The following ACSM2B variants were observed in gnomAD, a reference collection of about 807,000 sequenced individuals.
The protein encoded by ACSM2B is acyl-CoA synthetase medium chain family member 2B, also known as acyl-coenzyme A synthetase ACSM2B, mitochondrial.
ACSM2B carries 58 observed loss-of-function variants against 78.6 expected under a neutral mutation model. That is an observed-to-expected ratio of 0.74 (90% CI 0.60 to 0.92). The LOEUF (loss-of-function observed/expected upper bound fraction) is 0.92. Among genes scored for constraint, ACSM2B ranks in the 40% least tolerant of loss-of-function variants. ACSM2B has a pLI of 0.00. For missense variants in ACSM2B, 688 were observed against 711.2 expected (o/e 0.97, Z 0.37); for synonymous variants, 257 against 256.8 (o/e 1.00, Z -0.01).
In ACSM2B at chr16:20,547,445, T is replaced by G. The variant is rs139507955; in HGVS notation, c.1098+617A>C. On this transcript the variant is annotated intron_variant, in intron 8 of 13. Transcript: ENST00000329697. ...AGAGTGGAGAGGAAGAGGCAAGAAG[T>G]GCTGAGAGTCACAAGTAAGAGGCAC... 5.1e-4 allele frequency: 506 copies of G among 984,036 alleles called. 2 individuals are homozygous for G. In the African/African-American group the frequency reaches 8.3e-3, roughly 16 times the overall value. The allele number at this position is 984,036 out of a possible 1,614,324, so 61.0% of individuals were successfully genotyped here.
At chr16:20,543,987 A>T (rs1214432892) in intron 10 of ACSM2B, among the ~76,000 whole-genome samples, 1 of 152,184 alleles carries the variant, frequency 6.6e-6, no homozygotes. Flanking sequence ...TAGAACTGAG[A>T]CCAGAAGCCA....
intron 6 of ACSM2B, among the ~76,000 whole-genome samples, 166 bp from the exon 7 acceptor site, chr16:20,548,639 G>A (rs2015215412): frequency 6.6e-6 from 1 of 152,188 alleles, no homozygotes; most frequent in South Asian, 2.1e-4. Flanking sequence ...CAACTCTCAT[G>A]CACCCTGAAG....
intron 6 of ACSM2B, among the ~76,000 whole-genome samples, 176 bp from the exon 7 acceptor site, chr16:20,548,649 G>A (rs1024158614): frequency 1.3e-5 from 2 of 152,190 alleles, no homozygotes; most frequent in Non-Finnish European, 2.9e-5. Flanking sequence ...GCACCCTGAA[G>A]GCACAAATAA....
intron 4 of ACSM2B, among the ~76,000 whole-genome samples, chr16:20,554,961 C>A (rs1472588943): frequency 6.6e-6 from 1 of 152,218 alleles, no homozygotes; most frequent in Admixed American, 6.5e-5. Flanking sequence ...GGCAATAACA[C>A]CCCCAGGACA....
rs186545773 is a variant in ACSM2B at position 20,557,486 on chromosome 16, T to C, written c.388+1751A>G. Among the ~76,000 whole-genome samples the C allele has an allele frequency of 2.0e-5, 3 of 152,306 alleles. No individual in the cohort carries two copies. In the East Asian group the frequency reaches 5.8e-4, roughly 29 times the overall value. On this transcript the variant is annotated intron_variant, in intron 3 of 13. Transcript: ENST00000329697. ...CTGAAGCCATCACTAACCGTTCACC[T>C]CTTATCTGAGATTTCCAACTCCACT... is the stretch of plus-strand genomic sequence containing the variant.
intron 1 of ACSM2B, among the ~76,000 whole-genome samples, chr16:20,566,716 T>TAC (rs1208546372): frequency 8.0e-5 from 2 of 24,882 alleles, no homozygotes; most frequent in African/African-American, 5.9e-4. Context: ...ATAGTATATA[T>TAC]AGTATATACT....
At position 20,537,371 on chromosome 16, in the gene ACSM2B, A is replaced by G; in HGVS notation, c.1630-9T>C. The G allele has an allele frequency of 6.2e-7, 1 of 1,613,648 alleles. No homozygotes were observed. Among genetic ancestry groups the G allele is most frequent in the Non-Finnish European group, 8.5e-7 (1 of 1,179,556 alleles). On this transcript the variant is annotated splice_polypyrimidine_tract_variant and intron_variant, in intron 13 of 13. Coordinates refer to ENST00000329697, the MANE Select transcript of ACSM2B (RefSeq NM_001105069.2). The stretch of plus-strand genomic sequence containing the variant: ...TTCAAGACAAACTCTATCTGTTGAA[A>G]AACAAATCAGTCCAGGGTGGGTGAT...
At chr16:20,539,877 A>G (rs541193593) in intron 13 of ACSM2B, among the ~76,000 whole-genome samples, 83 of 152,298 alleles carry the variant, frequency 5.4e-4, no homozygotes, top group African/African-American at 1.9e-3. Flanking sequence ...AAGGAAAGAG[A>G]GTCAAAGGGT....
Position 20,564,769 on chromosome 16 carries a change from T to C in ACSM2B, c.77A>G (p.Asn26Ser). 6.2e-7 allele frequency: 1 copy of C among 1,613,428 alleles called. No individual in the cohort carries two copies. Reference protein sequence around the residue: ...TQMSSRTLYINSRQLVSLQWG... With the variant: ...TQMSSRTLYISSRQLVSLQWG... ...CTGCAGGGACACCAGTTGCCTACTA[T>C]TAATGTAGAGAGTGCGGCTGGACAT... The change falls in exon 2 of 14, where the codon AAT becomes AGT. Residue 26 changes from asparagine (N) to serine (S), a missense_variant. Transcript: ENST00000329697.
rs1167453235 is a variant in ACSM2B, at chr16:20,552,170, T to C, written c.868A>G (p.Lys290Glu). The C allele has an allele frequency of 1.9e-6, 3 of 1,613,206 alleles. No homozygotes were observed. Among genetic ancestry groups the C allele is most frequent in the Non-Finnish European group, 2.5e-6 (3 of 1,179,562 alleles). The change falls in exon 6 of 14, where the codon AAG becomes GAG. Residue 290 changes from lysine to glutamate, a missense_variant. Coordinates refer to ENST00000329697, the MANE Select transcript of ACSM2B (RefSeq NM_001105069.2). ...TTTAGAATAACCAGTGGGTCAAACT[T>C]TGGCAAGAGATGAACAAATGTGCAT... ...GACTFVHLLP[K>E]FDPLVILKTL...
At position 20,548,112 on chromosome 16, in the gene ACSM2B, T is replaced by A; in HGVS notation, c.1048A>T (p.Arg350Trp). ...CGGATGTCCAGTCCTGTCTGGGCCC[T>A]CCAGTTCTCCAGAGTTTCTGGAAGA... ...SLLPETLENW[R>W]AQTGLDIREF... The change falls in exon 8 of 14, where the codon AGG (arginine) becomes TGG (tryptophan). Residue 350 changes from arginine (R) to tryptophan (W), a missense_variant. Coordinates refer to ENST00000329697, the MANE Select transcript of ACSM2B (RefSeq NM_001105069.2). 1.9e-6 allele frequency: 3 copies of A among 1,614,030 alleles called. No individual in the cohort carries two copies. The highest frequency in any genetic ancestry group is 1.7e-6 in the Non-Finnish European group (2 of 1,179,926).
At chr16:20,555,173 T>A in intron 4 of ACSM2B, 96 bp downstream of exon 4, 2 of 1,581,334 alleles carry the variant, frequency 1.3e-6, no homozygotes, top group South Asian at 1.1e-5. Flanking sequence ...CCCATGCTGT[T>A]CTTCCTGCAA....
intron 5 of ACSM2B, among the ~76,000 whole-genome samples, chr16:20,553,006 A>G (rs1357692071): frequency 6.6e-6 from 1 of 152,156 alleles, no homozygotes; most frequent in Non-Finnish European, 1.5e-5. Context: ...GGGGAAGGGG[A>G]ATTTAATATC....
rs986813139 is a variant in ACSM2B, at chr16:20,558,156, A to T, written c.388+1081T>A. On this transcript the variant is annotated intron_variant, in intron 3 of 13. Transcript: ENST00000329697. ...TTACATCATTATGGTAAACCCTAAG[A>T]CTGGTATTTGAGGTGTTCTTCAGAC... Among the ~76,000 whole-genome samples, 25 of 152,218 alleles carry T rather than the reference A, an allele frequency of 1.6e-4. No individual in the cohort carries two copies. In the South Asian group the frequency reaches 2.7e-3, roughly 16 times the overall value.
intron 2 of ACSM2B, among the ~76,000 whole-genome samples, chr16:20,564,225 C>G (rs1423523644): frequency 3.3e-5 from 5 of 151,996 alleles, no homozygotes; most frequent in African/African-American, 1.2e-4. Flanking sequence ...TCCTGAGTAG[C>G]TAGGACTGCA....
At chr16:20,574,576 T>C (rs1176387137) in intron 1 of ACSM2B, 2 of 151,624 alleles carry the variant, frequency 1.3e-5, no homozygotes, top group Non-Finnish European at 2.9e-5. Context: ...TAAATATCCA[T>C]GAAATCTTCA....
At position 20,553,799 on chromosome 16, in the gene ACSM2B, G is replaced by A. The variant is rs780791831; in HGVS notation, c.718C>T (p.Leu240Phe). Residue 240 changes from leucine (L) to phenylalanine (F), a missense_variant, in exon 5 of 14, where the codon CTC becomes TTC. Physicochemically the swap from Leu to Phe is conservative, Grantham distance 22 (BLOSUM62 0). Coordinates refer to ENST00000329697, the MANE Select transcript of ACSM2B (RefSeq NM_001105069.2). ...TACCCAGCATCCATCTTGGCCTTGA[G>A]GCCCAGGCTCGAGTAGGAATGTTCT... ...MAEHSYSSLG[L>F]KAKMDAGWTG... is the part of the protein sequence containing the mutation. The A allele has an allele frequency of 1.2e-6, 2 of 1,611,168 alleles. No homozygotes were observed. The highest frequency in any genetic ancestry group is 1.1e-5 in the South Asian group (1 of 90,884).
chr16:20,562,010 T>C (rs1488617550), intron 2 of ACSM2B, among the ~76,000 whole-genome samples: 3 of 151,652 alleles, frequency 2.0e-5, no homozygotes, highest in African/African-American at 7.3e-5. Context: ...TGATGGTTTA[T>C]TTTTTGTCTA....
rs1273253960 is a variant in ACSM2B, at chr16:20,544,383, G to A, written c.1281+774C>T. On this transcript the variant is annotated intron_variant, in intron 10 of 13. Transcript: ENST00000329697. ...TAGTAGAGCAGGGTTTTGAACTCGA[G>A]CAATCTGAGTCCAAAAACTTTATAG... The A allele has an allele frequency of 7.0e-5, 14 of 199,638 alleles. No homozygotes were observed. In the Admixed American group the frequency reaches 9.1e-4, roughly 13 times the overall value. 12.4% of individuals were successfully genotyped at this position (199,638 alleles called of 1,614,324 possible). A position where few individuals can be genotyped will look rare whatever the true frequency, so the allele number is the denominator to read the frequency against.
Sources: allele counts gnomAD v4.1 joint callset (sites outside exome capture counted in the v4.1 genomes callset), GRCh38; gene constraint gnomAD v4.1.1; transcripts MANE v1.5; gene names NCBI Gene and HGNC (gene_info 2026-07-23, HGNC 2026-07-21).